ANKRD31: variants seen among roughly 807,000 people sequenced by gnomAD.
ANKRD31 encodes the protein ankyrin repeat domain 31, also known as ankyrin repeat domain-containing protein 31.
ANKRD31 carries 147 observed loss-of-function variants against 186.0 expected under a neutral mutation model. The observed-to-expected ratio is 0.79, with a 90% CI of 0.69 to 0.91. The LOEUF (loss-of-function observed/expected upper bound fraction) is 0.91, where lower values mean the gene tolerates loss of function less well. ANKRD31 is among the 40% of genes least tolerant of loss of function. The pLI, the probability that ANKRD31 is intolerant of heterozygous loss-of-function variation, is 0.00. For missense variants in ANKRD31, 1,986 were observed against 2,148.8 expected (o/e 0.92, Z 1.50); for synonymous variants, 673 against 736.4 (o/e 0.91, Z 1.39).
At chr5:75,201,055 A>T (rs771586019) in intron 5 of ANKRD31, among the ~76,000 whole-genome samples, 4 of 152,222 alleles carry the variant, frequency 2.6e-5, no homozygotes, top group Non-Finnish European at 5.9e-5. Context: ...GCTAAAGTAA[A>T]AGCAAGTAAT....
chr5:75,140,326 G>GAAGGAAGA, intron 15 of ANKRD31, among the ~76,000 whole-genome samples: 1 of 150,842 alleles, frequency 6.6e-6, no homozygotes, highest in Admixed American at 6.6e-5. Context: ...AGGAAGGAAG[G>GAAGGAAGA]AAGGTAGGAA....
At chr5:75,202,203 C>T (rs1755865798) in intron 5 of ANKRD31, among the ~76,000 whole-genome samples, 1 of 152,202 alleles carries the variant, frequency 6.6e-6, no homozygotes, top group Non-Finnish European at 1.5e-5. Context: ...ATATTTGGCT[C>T]AGAATAAATC....
intron 21 of ANKRD31, among the ~76,000 whole-genome samples, chr5:75,106,710 TA>T (rs760491540): frequency 6.6e-6 from 1 of 152,058 alleles, no homozygotes; most frequent in Admixed American, 6.5e-5. Context: ...CAAAGTCCCC[TA>T]AAATTACCCA....
chr5:75,148,617 T>G lies in ANKRD31; in HGVS notation c.1864A>C (p.Ser622Arg). ...TCCTCTATGTCTAGTGGGTCAATGC[T>G]ACTCCTTTGAGCTGTAAACAAAAAG... ...QKCLTSAQRSSIDPLDIEDVY... is the reference protein window; with the variant it reads ...QKCLTSAQRSRIDPLDIEDVY... The change falls in exon 13 of 26, where the codon AGC becomes CGC. Residue 622 changes from serine (S) to arginine (R), a missense_variant. Physicochemically the swap from Ser to Arg is moderately radical, Grantham distance 110. Transcript: ENST00000506364. The G allele has an allele frequency of 6.6e-7, 1 of 1,525,512 alleles. No homozygotes were observed. Among genetic ancestry groups the G allele is most frequent in the Non-Finnish European group, 8.8e-7 (1 of 1,140,488 alleles). The allele number at this position is 1,525,512 out of a possible 1,614,324, so 94.5% of individuals were successfully genotyped here.
At chr5:75,101,020 G>T (rs570649772) in intron 22 of ANKRD31, among the ~76,000 whole-genome samples, 39 of 152,220 alleles carry the variant, frequency 2.6e-4, no homozygotes, top group African/African-American at 7.5e-4. Context: ...TCCTAGCATC[G>T]ACGGTCTTTA....
At chr5:75,117,212 A>T (rs899837696) in intron 18 of ANKRD31, among the ~76,000 whole-genome samples, 1 of 152,170 alleles carries the variant, frequency 6.6e-6, no homozygotes, top group Non-Finnish European at 1.5e-5. Flanking sequence ...GAATAGATCT[A>T]TCACTTTATA....
chr5:75,206,982 A>T (rs952004065), intron 4 of ANKRD31, among the ~76,000 whole-genome samples: 7 of 152,228 alleles, frequency 4.6e-5, no homozygotes, highest in Non-Finnish European at 7.3e-5. Flanking sequence ...GGAAGTTAAA[A>T]GCAAAATAAG....
At chr5:75,092,482 T>A (rs1336721780) in intron 22 of ANKRD31, among the ~76,000 whole-genome samples, 1 of 152,110 alleles carries the variant, frequency 6.6e-6, no homozygotes, top group African/African-American at 2.4e-5. Flanking sequence ...TTAAGAGCCA[T>A]GGGTGGTCAG....
chr5:75,160,643 T>C (rs1417579483), intron 11 of ANKRD31, among the ~76,000 whole-genome samples: 1 of 152,142 alleles, frequency 6.6e-6, no homozygotes, highest in Non-Finnish European at 1.5e-5. Context: ...AGACATACCA[T>C]GCAAATGGCA....
chr5:75,179,060 C>T (rs1244025165), intron 10 of ANKRD31, among the ~76,000 whole-genome samples: 5 of 151,894 alleles, frequency 3.3e-5, no homozygotes, highest in Admixed American at 1.3e-4. Flanking sequence ...ATATCACCAC[C>T]GATCCCACAG....
At position 75,104,328 on chromosome 5, in the gene ANKRD31, T is replaced by A; in HGVS notation, c.5231A>T (p.Asn1744Ile). The A allele has an allele frequency of 6.5e-7, 1 of 1,537,230 alleles. No individual in the cohort carries two copies. Among genetic ancestry groups the A allele is most frequent in the East Asian group, 2.4e-5 (1 of 40,910 alleles). Residue 1744 changes from asparagine (N) to isoleucine (I), a missense_variant, in exon 22 of 26, where the codon AAC (asparagine) becomes ATC (isoleucine). Transcript: ENST00000506364. ...GQQDTIKKAL[N>I]YSTAPKKKCI... ...TTTCTTTTTAGGAGCTGTACTGTAG[T>A]TTAAAGCCTTTTTTATTGTATCTTG...
chr5:75,229,537 A>C (rs575156552), intron 2 of ANKRD31, among the ~76,000 whole-genome samples: 10 of 152,224 alleles, frequency 6.6e-5, no homozygotes, highest in African/African-American at 2.4e-4. Context: ...AAGAGAAGTT[A>C]ATGAAATGGT....
intron 11 of ANKRD31, among the ~76,000 whole-genome samples, chr5:75,168,129 A>C (rs1233067625): frequency 6.6e-6 from 1 of 152,188 alleles, no homozygotes; most frequent in African/African-American, 2.4e-5. Flanking sequence ...AAACTGCCTA[A>C]ACCCTTCTGA....
At chr5:75,207,459 A>T (rs1756331087) in intron 4 of ANKRD31, among the ~76,000 whole-genome samples, 1 of 152,176 alleles carries the variant, frequency 6.6e-6, no homozygotes, top group Non-Finnish European at 1.5e-5. Context: ...CTTCATCTAA[A>T]TTATTACAAA....
chr5:75,194,668 T>G (rs576019777), intron 7 of ANKRD31, among the ~76,000 whole-genome samples: 1 of 152,236 alleles, frequency 6.6e-6, no homozygotes, highest in South Asian at 2.1e-4. Flanking sequence ...ATTCACACAG[T>G]GGAATACTAT....
intron 1 of ANKRD31, among the ~76,000 whole-genome samples, chr5:75,235,241 CTTTTTTTT>C (rs35626841): frequency 6.0e-5 from 6 of 99,880 alleles, no homozygotes; most frequent in Admixed American, 5.9e-4. Flanking sequence ...CTTGCTGGTA[CTTTTTTTT>C]TTTTTTTTTT....
chr5:75,114,983 C>T (rs1748093661), intron 19 of ANKRD31, among the ~76,000 whole-genome samples: 2 of 152,172 alleles, frequency 1.3e-5, no homozygotes, highest in South Asian at 4.1e-4. Context: ...AAACTGGAGG[C>T]ATCACACTAC....
At chr5:75,200,205 C>T (rs1394163121) in intron 5 of ANKRD31, among the ~76,000 whole-genome samples, 1 of 152,160 alleles carries the variant, frequency 6.6e-6, no homozygotes, top group African/African-American at 2.4e-5. Flanking sequence ...CTGAGCCAAG[C>T]TGGCAAACAG....
chr5:75,200,911 CAA>C (rs10664301), intron 5 of ANKRD31, among the ~76,000 whole-genome samples: 3 of 131,654 alleles, frequency 2.3e-5, no homozygotes. Context: ...GACTTCGCCT[CAA>C]AAAAAAAAAA....
Sources: allele counts gnomAD v4.1 joint callset (sites outside exome capture counted in the v4.1 genomes callset), GRCh38; gene constraint gnomAD v4.1.1; transcripts MANE v1.5; gene names NCBI Gene and HGNC (gene_info 2026-07-23, HGNC 2026-07-21).